TACC2: variants seen among roughly 807,000 people sequenced by gnomAD.
The protein encoded by TACC2 is transforming acidic coiled-coil containing protein 2, also known as transforming acidic coiled-coil-containing protein 2.
In TACC2, 137 loss-of-function variants were observed where a neutral mutation model predicts 227.3. That is an observed-to-expected ratio of 0.60 (90% confidence interval 0.52 to 0.69). TACC2 has a LOEUF of 0.69. Ranked by LOEUF, TACC2 falls within the 30% of genes least tolerant of loss-of-function variation. The pLI, the probability that TACC2 is intolerant of heterozygous loss-of-function variation, is 0.00. For missense variants in TACC2, 3,470 were observed against 3,694.4 expected (o/e 0.94, Z 1.57); for synonymous variants, 1,523 against 1,487.5 (o/e 1.02, Z -0.55).
intron 12 of TACC2, among the ~76,000 whole-genome samples, chr10:122,225,514 T>C (rs2095610240): frequency 6.6e-6 from 1 of 152,248 alleles, no homozygotes. Context: ...GTAAAGCACA[T>C]GGGCTTTGTC....
chr10:122,019,060 C>T (rs897385409), intron 1 of TACC2, among the ~76,000 whole-genome samples: 2 of 152,256 alleles, frequency 1.3e-5, no homozygotes, highest in African/African-American at 4.8e-5. Flanking sequence ...CAAAGGATGG[C>T]TGAGTGGTAA....
At chr10:122,035,425 A>G (rs981036386) in intron 2 of TACC2, among the ~76,000 whole-genome samples, 4 of 152,192 alleles carry the variant, frequency 2.6e-5, no homozygotes, top group African/African-American at 9.7e-5. Context: ...TTGAATCTTT[A>G]TTAAATGTGT....
intron 5 of TACC2, among the ~76,000 whole-genome samples, chr10:122,128,459 A>C (rs770311057): frequency 2.6e-5 from 4 of 152,244 alleles, no homozygotes; most frequent in African/African-American, 4.8e-5. Context: ...ATGTGGGCAG[A>C]TATCTTTTAT....
chr10:121,994,328 C>G (rs907659804), intron 1 of TACC2, among the ~76,000 whole-genome samples: 1 of 152,094 alleles, frequency 6.6e-6, no homozygotes, highest in African/African-American at 2.4e-5. Flanking sequence ...GTGGCTTGTC[C>G]CAGCCAAAAT....
Position 122,083,711 on chromosome 10 carries a change from G to T in TACC2, c.1211G>T (p.Ser404Ile). The T allele has an allele frequency of 6.2e-7, 1 of 1,613,718 alleles. No individual in the cohort carries two copies. Residue 404 changes from serine (S) to isoleucine (I), a missense_variant, in exon 4 of 23, where the codon AGC becomes ATC. Transcript: ENST00000369005. ...CAGCCCGAAGGGGGTTTGCCTGTGA[G>T]CCCTGAACCTTCCCTGCTCACTCCG... ...GGQPEGGLPV[S>I]PEPSLLTPTE...
In TACC2 at chr10:122,084,789, C is replaced by T. The variant is rs144398174; in HGVS notation, c.2289C>T (p.Arg763=). The T allele has an allele frequency of 5.9e-4, 950 of 1,613,582 alleles. 6 individuals carry two copies. In the African/African-American group the frequency reaches 0.011, roughly 19 times the overall value. Residue 763 remains arginine (R), a synonymous_variant, in exon 4 of 23, where the codon CGC becomes CGT. Transcript: ENST00000369005. ...EGLLTSPDQP[R]GPACDASRQE... is the part of the protein sequence containing the mutation. ...TGCTGACGTCCCCAGATCAACCCCG[C>T]GGGCCGGCGTGTGATGCGTCGAGAC...
intron 5 of TACC2, among the ~76,000 whole-genome samples, chr10:122,114,243 T>C (rs1160377067): frequency 6.6e-6 from 1 of 152,134 alleles, no homozygotes; most frequent in Non-Finnish European, 1.5e-5. Flanking sequence ...CGGAGAGAAC[T>C]CTCCCCATTC....
At chr10:122,126,738 C>T (rs1377024626) in intron 5 of TACC2, 1 of 151,994 alleles carries the variant, frequency 6.6e-6, no homozygotes, top group Admixed American at 6.6e-5. Flanking sequence ...ACACATCGGC[C>T]TATTGAAGCA....
Position 122,211,600 on chromosome 10 carries a change from C to G in TACC2, c.7175C>G (p.Ser2392Cys), listed in dbSNP as rs145140872. The change falls in exon 9 of 23, where the codon TCT becomes TGT. Residue 2392 changes from serine to cysteine, a missense_variant. Physicochemically the swap from Ser to Cys is moderately radical, Grantham distance 112. Coordinates refer to ENST00000369005, the MANE Select transcript of TACC2 (RefSeq NM_206862.4). The stretch of plus-strand genomic sequence containing the variant: ...TCCTCTAAGACCCCCAGCTCACCTT[C>G]TAAATCCCCAGCCTCCTTTGAGATC... ...KTSSKTPSSP[S>C]KSPASFEIPA... 66 of 1,614,010 alleles carry G rather than the reference C, an allele frequency of 4.1e-5. No individual in the cohort carries two copies. In the Admixed American group the frequency reaches 6.2e-4, roughly 15 times the overall value.
chr10:122,101,435 G>A (rs1255801129), intron 5 of TACC2, among the ~76,000 whole-genome samples: 3 of 151,678 alleles, frequency 2.0e-5, no homozygotes, highest in Non-Finnish European at 2.9e-5. Context: ...GAATGATTGT[G>A]TTTAGCTGGG....
intron 1 of TACC2, among the ~76,000 whole-genome samples, chr10:122,012,110 G>T (rs1956000903): frequency 6.6e-6 from 1 of 151,816 alleles, no homozygotes; most frequent in African/African-American, 2.4e-5. Flanking sequence ...GCTAATTTTT[G>T]TATTTTTAGT....
At chr10:122,252,646 A>G (rs548867623) in intron 22 of TACC2, among the ~76,000 whole-genome samples, 83 of 152,060 alleles carry the variant, frequency 5.5e-4, no homozygotes, top group Middle Eastern at 3.4e-3. Flanking sequence ...GTGTGCCACC[A>G]CGCCCAGCTA....
At chr10:122,200,425 G>A (rs138656749) in intron 8 of TACC2, among the ~76,000 whole-genome samples, 5,479 of 136,914 alleles carry the variant, frequency 0.04, 330 homozygotes, top group African/African-American at 0.15. Flanking sequence ...CACAGTGGCT[G>A]TGTTCACATG....
At chr10:122,169,171 C>T (rs1592858454) in intron 7 of TACC2, among the ~76,000 whole-genome samples, 1 of 152,316 alleles carries the variant, frequency 6.6e-6, no homozygotes, top group Middle Eastern at 3.4e-3. Context: ...TTCTGGAGTG[C>T]AGGTGTGTGC....
In TACC2 at chr10:122,087,896, A is replaced by G; in HGVS notation, c.5396A>G (p.Glu1799Gly). ...DGKVCVSSPP[E>G]PDETHDPKLQ... ...AAGGTGTGCGTCTCCTCACCTCCAGAGCCTGACGAAACTCACGACCCGAAG... is the reference window on the plus strand; with the variant it reads ...AAGGTGTGCGTCTCCTCACCTCCAGGGCCTGACGAAACTCACGACCCGAAG... The change falls in exon 4 of 23, where the codon GAG becomes GGG. Residue 1799 changes from glutamate to glycine, a missense_variant. Physicochemically the swap from Glu to Gly is moderately conservative, Grantham distance 98. Transcript: ENST00000369005. The G allele has an allele frequency of 6.6e-7, 1 of 1,514,130 alleles. No individual in the cohort carries two copies. Among genetic ancestry groups the G allele is most frequent in the Non-Finnish European group, 8.8e-7 (1 of 1,131,814 alleles). The allele number at this position is 1,514,130 out of a possible 1,614,324, so 93.8% of individuals were successfully genotyped here.
chr10:122,009,849 C>T (rs1472086766), intron 1 of TACC2, among the ~76,000 whole-genome samples: 1 of 152,080 alleles, frequency 6.6e-6, no homozygotes, highest in Non-Finnish European at 1.5e-5. Flanking sequence ...TGGCTTGAAC[C>T]TAGGAGGCGG....
At position 122,050,744 on chromosome 10, in the gene TACC2, T is replaced by C. The variant is rs1300516658; in HGVS notation, c.146+194T>C. ...TGGCTAGGCCTGCATGATTGAAAAA[T>C]TCATCCTGATTGCCTGCCCAAAGAT... On this transcript the variant is annotated intron_variant, in intron 3 of 22. Coordinates refer to ENST00000369005, the MANE Select transcript of TACC2 (RefSeq NM_206862.4). This position sits in a 1 kb window ranked among gnomAD's most constrained non-coding sequence, Gnocchi z 4.6. 5.7e-6 allele frequency: 3 copies of C among 523,892 alleles called. No homozygotes were observed. The highest frequency in any genetic ancestry group is 1.0e-5 in the Non-Finnish European group (3 of 293,478). The allele number at this position is 523,892 out of a possible 1,614,324, so 32.5% of individuals were successfully genotyped here.
intron 5 of TACC2, among the ~76,000 whole-genome samples, chr10:122,108,004 T>G (rs962505428): frequency 1.0e-4 from 15 of 147,554 alleles, no homozygotes; most frequent in Admixed American, 4.9e-4. Context: ...CCATTCTCCC[T>G]CCTCAGCCTC....
chr10:122,132,843 T>G, intron 6 of TACC2, 109 bp downstream of exon 6: 10 of 1,136,750 alleles, frequency 8.8e-6, no homozygotes, highest in Non-Finnish European at 1.0e-5. Context: ...TCTCCTGCAG[T>G]TTCACCCCCT....
Sources: gnomAD v4.1 joint callset for allele counts (sites outside exome capture counted in the v4.1 genomes callset) on GRCh38, gnomAD v4.1.1 for gene constraint, Gnocchi (gnomAD v3.1) non-coding constraint, MANE v1.5 for transcripts, NCBI Gene and HGNC (gene_info 2026-07-23, HGNC 2026-07-21) for gene names.